The following SFRP2 variants were observed in gnomAD, a reference collection of about 807,000 sequenced individuals.
The protein encoded by SFRP2 is secreted frizzled related protein 2, also known as secreted frizzled-related protein 2.
A neutral mutation model predicts 26.0 loss-of-function variants in SFRP2; 16 were observed. The observed-to-expected ratio is 0.61, with a 90% CI of 0.42 to 0.93. The LOEUF is 0.93. Ranked by LOEUF, SFRP2 falls within the 40% of genes least tolerant of loss-of-function variation. The probability of loss-of-function intolerance (pLI) is 0.00; values close to 1 mark genes in which losing one functional copy is unlikely to be tolerated. For synonymous variants in SFRP2, 173 were observed against 167.3 expected, an observed-to-expected ratio of 1.03 and a Z score of -0.26; for missense variants, 343 against 392.4, an observed-to-expected ratio of 0.87 and a Z score of 1.06.
rs769038342 is a variant in SFRP2 at position 153,788,866 on chromosome 4, G to A, written c.-31C>T. The A allele has an allele frequency of 3.3e-4, 513 of 1,538,982 alleles. 1 individual carries two copies. Among genetic ancestry groups the A allele is most frequent in the Non-Finnish European group, 4.2e-4 (479 of 1,149,496 alleles). ...GCGCGCGACCCCGAGGGGGCAGAGG[G>A]AGCGGAGCCGGGGAAGGGCGAGGCG... is the stretch of plus-strand genomic sequence containing the variant. On this transcript the variant is annotated 5_prime_UTR_variant, in exon 1 of 3. Coordinates refer to ENST00000274063, the MANE Select transcript of SFRP2 (RefSeq NM_003013.3).
rs1026805175 is a variant in SFRP2, at chr4:153,781,364, G to T, written c.*87C>A. ...CTGAGACTGGAGCAGCTAGGAGTGTGCTTGGGGAACGGGAGCTGAGATCCC... is the reference window on the plus strand; with the variant it reads ...CTGAGACTGGAGCAGCTAGGAGTGTTCTTGGGGAACGGGAGCTGAGATCCC... On this transcript the variant is annotated 3_prime_UTR_variant, in exon 3 of 3. Transcript: ENST00000274063. 15 of 1,264,236 alleles carry T rather than the reference G, an allele frequency of 1.2e-5. No individual in the cohort carries two copies. In the South Asian group the frequency reaches 1.9e-4, roughly 16 times the overall value. The allele number at this position is 1,264,236 out of a possible 1,614,324, so 78.3% of individuals were successfully genotyped here.
At position 153,781,651 on chromosome 4, in the gene SFRP2, T is replaced by G; in HGVS notation, c.688A>C (p.Arg230=). 6.2e-7 allele frequency: 1 copy of G among 1,614,158 alleles called. No individual in the cohort carries two copies. The highest frequency in any genetic ancestry group is 8.5e-7 in the Non-Finnish European group (1 of 1,180,018). ...CACAGCACCGATTTCTTCAGGTCCC[T>G]TTCGGACACACCGTTCAGCTTGTAA... ...TIYKLNGVSE[R]DLKKSVLWLK... Residue 230 remains arginine, a synonymous_variant, in exon 3 of 3, where the codon AGG becomes CGG. Coordinates refer to ENST00000274063, the MANE Select transcript of SFRP2 (RefSeq NM_003013.3).
chr4:153,785,519 C>A (rs1251607060), intron 2 of SFRP2, among the ~76,000 whole-genome samples: 2 of 23,194 alleles, frequency 8.6e-5, no homozygotes, highest in East Asian at 1.4e-3. Context: ...GTTAAGTAAT[C>A]AAAAGAAAAT....
At chr4:153,783,004 A>G (rs1328979412) in intron 2 of SFRP2, among the ~76,000 whole-genome samples, 1 of 151,386 alleles carries the variant, frequency 6.6e-6, no homozygotes, top group Non-Finnish European at 1.5e-5. Context: ...TTTAAATATC[A>G]GAATGGGAAT....
Position 153,789,039 on chromosome 4 carries a change from C to CT in SFRP2, c.-205_-204insA. On this transcript the variant is annotated 5_prime_UTR_variant, in exon 1 of 3. Transcript: ENST00000274063. ...GGCGCTGCAAGCCCGCGCGCAGCTCCGGGGGGCTCCGACCCGGGGGAGCAG... is the reference window on the plus strand; with the variant it reads ...GGCGCTGCAAGCCCGCGCGCAGCTCCTGGGGGGCTCCGACCCGGGGGAGCAG... The CT allele has an allele frequency of 1.9e-6, 1 of 539,762 alleles. No homozygotes were observed. The highest frequency in any genetic ancestry group is 3.1e-5 in the South Asian group (1 of 32,224). The allele number at this position is 539,762 out of a possible 1,614,324, so 33.4% of individuals were successfully genotyped here. A position where few individuals can be genotyped will look rare whatever the true frequency, so the allele number is the denominator to read the frequency against.
At chr4:153,782,394 G>C (rs551958860) in intron 2 of SFRP2, among the ~76,000 whole-genome samples, 1 of 152,274 alleles carries the variant, frequency 6.6e-6, no homozygotes, top group East Asian at 1.9e-4. Context: ...ATCCTTATAT[G>C]CTCTCATTTG....
In SFRP2 at chr4:153,788,805, G is replaced by C. The variant is rs1323829313; in HGVS notation, c.31C>G (p.Leu11Val). 2 of 1,603,430 alleles carry C rather than the reference G, an allele frequency of 1.2e-6. No individual in the cohort carries two copies. The highest frequency in any genetic ancestry group is 3.3e-5 in the Admixed American group (2 of 59,834). Residue 11 changes from leucine to valine, a missense_variant, in exon 1 of 3, where the codon CTC becomes GTC. Physicochemically the swap from Leu to Val is conservative, Grantham distance 32. Transcript: ENST00000274063. ...AGGCAGCAGTGCGAGGCGAGGAAGA[G>C]CAGCAGCAGCGAGCCAGGGCCCTGC... The part of the protein sequence containing the change: MLQGPGSLLL[L>V]FLASHCCLGS...
chr4:153,782,428 C>T (rs1022030656), intron 2 of SFRP2, among the ~76,000 whole-genome samples: 5 of 152,156 alleles, frequency 3.3e-5, no homozygotes, highest in Non-Finnish European at 7.3e-5. Context: ...AAGGCGTTTA[C>T]GGATCATATA....
intron 1 of SFRP2, 130 bp downstream of exon 1, chr4:153,788,204 C>A (rs1353801447): frequency 1.0e-5 from 11 of 1,099,518 alleles, no homozygotes; most frequent in Non-Finnish European, 1.4e-5. Flanking sequence ...CAGACCAGGT[C>A]AGGCAGAACT....
chr4:153,781,258 C>T lies in SFRP2; in HGVS notation c.*193G>A, dbSNP rs1741115365. The T allele has an allele frequency of 1.7e-6, 1 of 572,518 alleles. No homozygotes were observed. Among genetic ancestry groups the T allele is most frequent in the Admixed American group, 3.1e-5 (1 of 32,782 alleles). The allele number at this position is 572,518 out of a possible 1,614,324, so 35.5% of individuals were successfully genotyped here. On this transcript the variant is annotated 3_prime_UTR_variant, in exon 3 of 3. Coordinates refer to ENST00000274063, the MANE Select transcript of SFRP2 (RefSeq NM_003013.3). ...GGTGGGCTTTTCCTTTAGGTGAAAA[C>T]AGCTATCCACTCCTGTGGCCTTATA...
At position 153,781,479 on chromosome 4, in the gene SFRP2, G is replaced by T; in HGVS notation, c.860C>A (p.Ser287Tyr). ...QKGQREFKRI[S>Y]RSIRKLQC ...GCACTGCAGCTTGCGGATGCTGCGG[G>T]AGATGCGCTTGAACTCTCTCTGCCC... is the stretch of plus-strand genomic sequence containing the variant. The change falls in exon 3 of 3, where the codon TCC becomes TAC. Residue 287 changes from serine to tyrosine, a missense_variant. Transcript: ENST00000274063. 6.2e-7 allele frequency: 1 copy of T among 1,613,694 alleles called. No homozygotes were observed. The highest frequency in any genetic ancestry group is 8.5e-7 in the Non-Finnish European group (1 of 1,180,026).
chr4:153,786,017 A>C, intron 1 of SFRP2, 73 bp from the exon 2 acceptor site: 2 of 839,932 alleles, frequency 2.4e-6, no homozygotes, highest in Non-Finnish European at 3.7e-6. Context: ...TAAACAACTC[A>C]AAGGGACTTA....
intron 2 of SFRP2, among the ~76,000 whole-genome samples, chr4:153,782,532 C>T (rs1219022720): frequency 6.6e-6 from 1 of 152,110 alleles, no homozygotes; most frequent in Non-Finnish European, 1.5e-5. Flanking sequence ...TAGTCATGAA[C>T]AGTATGCTCT....
At chr4:153,784,602 A>T (rs1430101641) in intron 2 of SFRP2, among the ~76,000 whole-genome samples, 1 of 152,172 alleles carries the variant, frequency 6.6e-6, no homozygotes. Context: ...CAGGGATTGG[A>T]TGGTTCCAGA....
In SFRP2 at chr4:153,781,545, C is replaced by A; in HGVS notation, c.794G>T (p.Gly265Val). The A allele has an allele frequency of 6.2e-7, 1 of 1,614,202 alleles. No individual in the cohort carries two copies. Among genetic ancestry groups the A allele is most frequent in the Non-Finnish European group, 8.5e-7 (1 of 1,180,028 alleles). ...CACCGAGGTGATCACCAGCTCCCCA[C>A]CCTGTTTCTGTCCCATGACCAGATA... Reference protein sequence around the residue: ...APYLVMGQKQGGELVITSVKR... With the variant: ...APYLVMGQKQVGELVITSVKR... The change falls in exon 3 of 3, where the codon GGT becomes GTT. Residue 265 changes from glycine to valine, a missense_variant. Around this residue, in one of 2 missense-constraint regions of SFRP2, gnomAD observed 92 missense variants for 139.0 expected, o/e 0.66. Transcript: ENST00000274063.
Position 153,781,424 on chromosome 4 carries a change from C to T in SFRP2, c.*27G>A. 1 of 1,595,808 alleles carries T rather than the reference C, an allele frequency of 6.3e-7. No homozygotes were observed. The highest frequency in any genetic ancestry group is 8.5e-7 in the Non-Finnish European group (1 of 1,171,822). On this transcript the variant is annotated 3_prime_UTR_variant, in exon 3 of 3. Coordinates refer to ENST00000274063, the MANE Select transcript of SFRP2 (RefSeq NM_003013.3). ...ATGGTCAGCCGTGCTCTGGAGCAGGCCTGTCGGAGCCATCAGGATGCCGGG... is the reference window on the plus strand; with the variant it reads ...ATGGTCAGCCGTGCTCTGGAGCAGGTCTGTCGGAGCCATCAGGATGCCGGG...
intron 2 of SFRP2, among the ~76,000 whole-genome samples, chr4:153,782,161 C>A (rs1247085353): frequency 6.6e-6 from 1 of 152,228 alleles, no homozygotes; most frequent in Non-Finnish European, 1.5e-5. Context: ...TATGATCCCT[C>A]TGTGGCCGTA....
intron 2 of SFRP2, among the ~76,000 whole-genome samples, chr4:153,782,504 T>C (rs1265581472): frequency 3.3e-5 from 5 of 152,218 alleles, no homozygotes; most frequent in Admixed American, 3.3e-4. Flanking sequence ...AGTGGTTTAC[T>C]ATAAAGGACA....
chr4:153,785,849 TG>T lies in SFRP2; in HGVS notation c.583+14del. The stretch of plus-strand genomic sequence containing the variant: ...TTCTGAATGTGAAATCTGTTGTTGT[TG>T]TTGTATTACTTACCAAAATCATTTT... On this transcript the variant is annotated intron_variant, in intron 2 of 2. Coordinates refer to ENST00000274063, the MANE Select transcript of SFRP2 (RefSeq NM_003013.3). 1 of 1,488,056 alleles carries T rather than the reference TG, an allele frequency of 6.7e-7. No individual in the cohort carries two copies. 92.2% of individuals were successfully genotyped at this position (1,488,056 alleles called of 1,614,324 possible).
Sources: gnomAD v4.1 joint callset for allele counts (sites outside exome capture counted in the v4.1 genomes callset) on GRCh38, gnomAD v4.1.1 for gene constraint, gnomAD v4.1.1 regional missense constraint, MANE v1.5 for transcripts, NCBI Gene and HGNC (gene_info 2026-07-23, HGNC 2026-07-21) for gene names.